Variants in MAP2K6 observed in about 807,000 individuals in gnomAD.
MAP2K6 encodes the protein dual specificity mitogen-activated protein kinase kinase 6.
Under a neutral mutation model 53.7 loss-of-function variants are expected in MAP2K6, and 16 were observed. That is an observed-to-expected ratio of 0.30 (90% CI 0.20 to 0.45). The LOEUF (loss-of-function observed/expected upper bound fraction) is 0.45. Among genes scored for constraint, MAP2K6 ranks in the 20% least tolerant of loss-of-function variants. MAP2K6 has a pLI of 1.00. For synonymous variants in MAP2K6, 132 were observed against 143.1 expected, an observed-to-expected ratio of 0.92 and a Z score of 0.55; for missense variants, 204 against 411.9, an observed-to-expected ratio of 0.50 and a Z score of 4.37.
intron 1 of MAP2K6, among the ~76,000 whole-genome samples, chr17:69,471,989 G>A (rs948404885): frequency 6.6e-6 from 1 of 152,096 alleles, no homozygotes; most frequent in Non-Finnish European, 1.5e-5. Context: ...TGTTCTGATT[G>A]GCCTTTAGAG....
chr17:69,474,256 A>G (rs1428098186), intron 1 of MAP2K6, among the ~76,000 whole-genome samples: 1 of 152,250 alleles, frequency 6.6e-6, no homozygotes, highest in Admixed American at 6.5e-5. Flanking sequence ...AGTCAATGAC[A>G]GAGACCAGAG....
chr17:69,435,253 T>C (rs1156602606), intron 1 of MAP2K6: 2 of 152,114 alleles, frequency 1.3e-5, no homozygotes, highest in South Asian at 4.1e-4. Flanking sequence ...GAATTGTAAA[T>C]GCGGCCAGGC....
At chr17:69,492,510 C>T (rs1908790905) in intron 1 of MAP2K6, among the ~76,000 whole-genome samples, 1 of 152,110 alleles carries the variant, frequency 6.6e-6, no homozygotes, top group Non-Finnish European at 1.5e-5. Context: ...GTTAAAACAC[C>T]AGAAATTTTT....
intron 1 of MAP2K6, among the ~76,000 whole-genome samples, chr17:69,495,329 A>G (rs1444358409): frequency 1.3e-5 from 2 of 151,182 alleles, no homozygotes; most frequent in Non-Finnish European, 2.9e-5. Context: ...TCCACCTTCC[A>G]GGTTCAAGTG....
chr17:69,503,720 A>T (rs1412606110), intron 1 of MAP2K6, among the ~76,000 whole-genome samples: 2 of 152,062 alleles, frequency 1.3e-5, no homozygotes, highest in East Asian at 1.9e-4. Context: ...AAATGACTTT[A>T]AAAAAAATGA....
chr17:69,457,314 T>C (rs1193419878), intron 1 of MAP2K6, among the ~76,000 whole-genome samples: 1 of 152,250 alleles, frequency 6.6e-6, no homozygotes, highest in Admixed American at 6.5e-5. Flanking sequence ...ATCTGATGCC[T>C]GTGGACACGT....
Position 69,447,063 on chromosome 17 carries a change from C to T in MAP2K6, c.16+32063C>T, listed in dbSNP as rs532407139. Among the ~76,000 whole-genome samples the T allele has an allele frequency of 1.1e-4, 16 of 151,186 alleles. No individual in the cohort carries two copies. In the South Asian group the frequency reaches 2.9e-3, roughly 28 times the overall value. ...CATGATCTCAGCACACTGCAACCTC[C>T]GCCTCCCAGGTTCAAGCAATTCTCC... On this transcript the variant is annotated intron_variant, in intron 1 of 11. Transcript: ENST00000590474.
chr17:69,487,910 G>A (rs1908605939), intron 1 of MAP2K6, among the ~76,000 whole-genome samples: 1 of 152,060 alleles, frequency 6.6e-6, no homozygotes, highest in Admixed American at 6.6e-5. Context: ...ATTACTGTAT[G>A]CAGGAAATAT....
chr17:69,521,182 C>A, intron 7 of MAP2K6, 82 bp downstream of exon 7: 1 of 1,236,124 alleles, frequency 8.1e-7, no homozygotes, highest in Non-Finnish European at 1.2e-6. Context: ...CCCCCAGTCC[C>A]CCATGGGTGG....
intron 1 of MAP2K6, chr17:69,432,974 C>T (rs1395440912): frequency 1.3e-5 from 2 of 152,168 alleles, no homozygotes; most frequent in East Asian, 3.8e-4. Context: ...GGCTACAATA[C>T]CCTCTGGTGA....
At chr17:69,487,317 C>T (rs931916663) in intron 1 of MAP2K6, among the ~76,000 whole-genome samples, 3 of 152,106 alleles carry the variant, frequency 2.0e-5, no homozygotes, top group Non-Finnish European at 4.4e-5. Flanking sequence ...ACAAGGTCCT[C>T]GAAACAGAGG....
chr17:69,456,193 G>T (rs139143989), intron 1 of MAP2K6, among the ~76,000 whole-genome samples: 6 of 152,284 alleles, frequency 3.9e-5, no homozygotes, highest in Admixed American at 2.6e-4. Flanking sequence ...GAAACATCCA[G>T]AGCAAACTGG....
At chr17:69,432,796 C>T (rs922754467) in intron 1 of MAP2K6, among the ~76,000 whole-genome samples, 1 of 140,188 alleles carries the variant, frequency 7.1e-6, no homozygotes, top group Non-Finnish European at 1.5e-5. Flanking sequence ...CACATGTATC[C>T]TGGAACCTAA....
intron 1 of MAP2K6, among the ~76,000 whole-genome samples, chr17:69,483,237 A>C (rs768547158): frequency 3.3e-5 from 5 of 152,072 alleles, no homozygotes; most frequent in Non-Finnish European, 7.4e-5. Context: ...ATTAGCACTT[A>C]CAAGCAAGTT....
intron 1 of MAP2K6, among the ~76,000 whole-genome samples, chr17:69,421,111 A>G (rs1906064413): frequency 6.6e-6 from 1 of 152,242 alleles, no homozygotes; most frequent in East Asian, 1.9e-4. Flanking sequence ...AGGTGCTCAA[A>G]AAATGTCTGA....
At chr17:69,506,446 G>A (rs896853857) in intron 2 of MAP2K6, among the ~76,000 whole-genome samples, 1 of 149,290 alleles carries the variant, frequency 6.7e-6, no homozygotes, top group Non-Finnish European at 1.5e-5. Flanking sequence ...ATCTGTCTCT[G>A]TGTGGTGGGA....
At chr17:69,434,623 G>A (rs1906577989) in intron 1 of MAP2K6, 1 of 152,164 alleles carries the variant, frequency 6.6e-6, no homozygotes, top group African/African-American at 2.4e-5. Context: ...ATGATAAAAT[G>A]CAAAGCCACA....
chr17:69,448,349 T>G (rs1213551191), intron 1 of MAP2K6, among the ~76,000 whole-genome samples: 1 of 151,906 alleles, frequency 6.6e-6, no homozygotes, highest in East Asian at 1.9e-4. Context: ...CTTTTTTTTC[T>G]TGTCACTTAA....
chr17:69,416,580 A>C (rs1905908469), intron 1 of MAP2K6, among the ~76,000 whole-genome samples: 1 of 152,184 alleles, frequency 6.6e-6, no homozygotes, highest in African/African-American at 2.4e-5. Context: ...ATGTATATAC[A>C]TATGTATGTG....
Sources: gnomAD v4.1 joint callset for allele counts (sites outside exome capture counted in the v4.1 genomes callset) on GRCh38, gnomAD v4.1.1 for gene constraint, MANE v1.5 for transcripts, NCBI Gene and HGNC (gene_info 2026-07-23, HGNC 2026-07-21) for gene names.